The following POLK variants were observed in gnomAD, a reference collection of about 807,000 sequenced individuals.
POLK encodes the protein polymerase (DNA directed) kappa.
POLK carries 76 observed loss-of-function variants against 94.0 expected under a neutral mutation model. The observed-to-expected ratio is 0.81, with a 90% confidence interval of 0.67 to 0.98. The LOEUF is 0.98. Among genes scored for constraint, POLK ranks in the 50% least tolerant of loss-of-function variants. POLK has a pLI of 0.00. For missense variants in POLK, 954 were observed against 1,010.1 expected, an observed-to-expected ratio of 0.94 and a Z score of 0.75; for synonymous variants, 349 against 325.4, an observed-to-expected ratio of 1.07 and a Z score of -0.78.
chr5:75,603,373 T>C (rs1163258637), downstream of POLK, among the ~76,000 whole-genome samples: 2 of 151,420 alleles, frequency 1.3e-5, no homozygotes, highest in Non-Finnish European at 2.9e-5. Flanking sequence ...AACCATCTTA[T>C]GCATTTTTTA....
chr5:75,511,692 G>A (rs1768016636), upstream of POLK: 29 of 1,486,904 alleles, frequency 2.0e-5, no homozygotes, highest in South Asian at 3.2e-4. Flanking sequence ...ACTACTCCCC[G>A]CCCCGTCCCC....
intron 4 of POLK, among the ~76,000 whole-genome samples, chr5:75,573,104 G>A (rs1771680008): frequency 6.6e-6 from 1 of 152,082 alleles, no homozygotes; most frequent in Admixed American, 6.6e-5. Flanking sequence ...CAAAGACTTG[G>A]AACCAACCCA....
chr5:75,570,380 A>G (rs998208431), intron 4 of POLK, among the ~76,000 whole-genome samples: 1 of 152,206 alleles, frequency 6.6e-6, no homozygotes, highest in Non-Finnish European at 1.5e-5. Context: ...ACTGATCTGC[A>G]GGCCAAATCC....
chr5:75,591,459 GAAAAGTCAC>G (rs1344507099), intron 11 of POLK, among the ~76,000 whole-genome samples: 1 of 151,860 alleles, frequency 6.6e-6, no homozygotes, highest in Non-Finnish European at 1.5e-5. Context: ...TAGATTTCCA[GAAAAGTCAC>G]AAAAATAATA....
chr5:75,578,222 C>G (rs535771998), intron 6 of POLK, among the ~76,000 whole-genome samples: 1 of 152,228 alleles, frequency 6.6e-6, no homozygotes, highest in East Asian at 1.9e-4. Context: ...GTGGTGCAGT[C>G]TCAGCTCACT....
At chr5:75,595,266 A>AAAAAAAAAAAC (rs1773014218) in intron 12 of POLK, among the ~76,000 whole-genome samples, 1 of 150,464 alleles carries the variant, frequency 6.6e-6, no homozygotes, top group Non-Finnish European at 1.5e-5. Context: ...AAAAAAAAAA[A>AAAAAAAAAAAC]AAAAAAAGCC....
At chr5:75,563,244 G>A (rs913862925) in intron 3 of POLK, among the ~76,000 whole-genome samples, 3 of 152,108 alleles carry the variant, frequency 2.0e-5, no homozygotes, top group Non-Finnish European at 4.4e-5. Flanking sequence ...TTACAGACGT[G>A]AGCCACTGTA....
chr5:75,552,210 T>C (rs1448118512), intron 2 of POLK, among the ~76,000 whole-genome samples: 1 of 152,216 alleles, frequency 6.6e-6, no homozygotes, highest in Non-Finnish European at 1.5e-5. Context: ...TGTATTCATC[T>C]CAGAGAGCTT....
At position 75,560,167 on chromosome 5, in the gene POLK, G is replaced by A. The variant is rs543204647; in HGVS notation, c.255+7576G>A. Among the ~76,000 whole-genome samples the A allele has an allele frequency of 2.0e-5, 3 of 152,224 alleles. No individual in the cohort carries two copies. In the South Asian group the frequency reaches 6.2e-4, roughly 32 times the overall value. ...AGGGCAAATTACTTACTCTTACTGA[G>A]CTTTAGTTTCATCTATAAAATGGGA... is the stretch of plus-strand genomic sequence containing the variant. On this transcript the variant is annotated intron_variant, in intron 3 of 14. Transcript: ENST00000241436.
chr5:75,535,492 C>T (rs1170598434), intron 1 of POLK, among the ~76,000 whole-genome samples: 1 of 152,084 alleles, frequency 6.6e-6, no homozygotes, highest in Admixed American at 6.6e-5. Flanking sequence ...GAATGTTGGC[C>T]TCTCTAGCAA....
chr5:75,543,636 C>T (rs1390710954), intron 1 of POLK, among the ~76,000 whole-genome samples: 2 of 152,104 alleles, frequency 1.3e-5, no homozygotes, highest in Admixed American at 6.5e-5. Flanking sequence ...ACCTGTAAGT[C>T]ATTGGCATGT....
At chr5:75,569,623 A>G in intron 4 of POLK, 131 bp downstream of exon 4, 1 of 706,800 alleles carries the variant, frequency 1.4e-6, no homozygotes, top group East Asian at 2.8e-5. Context: ...CTTATATATG[A>G]CTCAATTACT....
chr5:75,553,750 A>G (rs1335490844), intron 3 of POLK, among the ~76,000 whole-genome samples: 1 of 152,198 alleles, frequency 6.6e-6, no homozygotes, highest in African/African-American at 2.4e-5. Context: ...TGATTTTCTC[A>G]CATAGTTGTA....
intron 3 of POLK, among the ~76,000 whole-genome samples, chr5:75,559,523 GTTTTTT>G (rs775525619): frequency 1.5e-4 from 8 of 54,676 alleles, no homozygotes; most frequent in South Asian, 1.4e-3. Context: ...GTTTTGTTTT[GTTTTTT>G]TTTTTTTTTT....
chr5:75,605,114 CACAT>C (rs1194872796), downstream of POLK, among the ~76,000 whole-genome samples: 44 of 69,740 alleles, frequency 6.3e-4, no homozygotes, highest in East Asian at 4.0e-3. Context: ...TTCCTGTATA[CACAT>C]ACACACACAC....
At chr5:75,568,609 A>G (rs1771411327) in intron 3 of POLK, 5 of 371,232 alleles carry the variant, frequency 1.3e-5, no homozygotes, top group South Asian at 1.0e-4. Flanking sequence ...TCACTATTGT[A>G]TTTGACATAT....
chr5:75,562,097 G>T (rs574059923), intron 3 of POLK, among the ~76,000 whole-genome samples: 47 of 152,284 alleles, frequency 3.1e-4, no homozygotes, highest in South Asian at 2.3e-3. Flanking sequence ...ATTACTTTGG[G>T]CAGTATGGCC....
At chr5:75,590,512 G>A (rs1172153250) in intron 11 of POLK, 72 bp downstream of exon 11, 1 of 826,804 alleles carries the variant, frequency 1.2e-6, no homozygotes, top group African/African-American at 1.7e-5. Context: ...AAAAGCTAGA[G>A]TTAGATTACA....
chr5:75,596,278 A>G (rs142201795), exon 13 of POLK: 723 of 1,613,382 alleles, frequency 4.5e-4, no homozygotes, highest in Non-Finnish European at 5.8e-4. Flanking sequence ...ACAAAGGAGC[A>G]TTATTGGCTT....
Sources: gnomAD v4.1 joint callset for allele counts (sites outside exome capture counted in the v4.1 genomes callset) on GRCh38, gnomAD v4.1.1 for gene constraint, MANE v1.5 for transcripts, NCBI Gene and HGNC (gene_info 2026-07-23, HGNC 2026-07-21) for gene names.